NCALD: variants seen among roughly 807,000 people sequenced by gnomAD.
NCALD encodes the protein neurocalcin delta, also known as neurocalcin-delta.
In NCALD, 10 loss-of-function variants were observed where a neutral mutation model predicts 18.6. That is an observed-to-expected ratio of 0.54 (90% CI 0.33 to 0.91). The LOEUF (loss-of-function observed/expected upper bound fraction) is 0.91. Ranked by LOEUF, NCALD falls within the 40% of genes least tolerant of loss-of-function variation. The pLI is 0.03. For synonymous variants in NCALD, 88 were observed against 87.4 expected (o/e 1.01, Z -0.04); for missense variants, 184 against 247.6 (o/e 0.74, Z 1.72).
intron 2 of NCALD, among the ~76,000 whole-genome samples, chr8:101,919,132 C>T (rs1270504878): frequency 1.3e-5 from 2 of 152,192 alleles, no homozygotes; most frequent in Non-Finnish European, 2.9e-5. Context: ...TCAAACTATA[C>T]TATATGGCTA....
intron 4 of NCALD, among the ~76,000 whole-genome samples, chr8:101,797,853 A>C (rs184076101): frequency 6.6e-6 from 1 of 152,178 alleles, no homozygotes; most frequent in Admixed American, 6.5e-5. Context: ...TCCCAAGAAG[A>C]CTACAGACTG....
intron 1 of NCALD, among the ~76,000 whole-genome samples, chr8:102,041,968 G>A (rs1258475267): frequency 1.3e-5 from 2 of 152,020 alleles, no homozygotes; most frequent in Admixed American, 6.6e-5. Flanking sequence ...ACCCATCAGA[G>A]CATTACCTAT....
chr8:102,026,665 A>G (rs1465981655), intron 1 of NCALD, among the ~76,000 whole-genome samples: 1 of 152,160 alleles, frequency 6.6e-6, no homozygotes, highest in Non-Finnish European at 1.5e-5. Flanking sequence ...GCAAGCTGTC[A>G]GTGGACATAC....
intron 2 of NCALD, among the ~76,000 whole-genome samples, chr8:101,974,029 T>C (rs1179887656): frequency 1.3e-5 from 2 of 152,162 alleles, no homozygotes; most frequent in Non-Finnish European, 2.9e-5. Context: ...TTCATCAGTT[T>C]ATTATCTTCA....
chr8:101,825,244 C>G (rs553496046), intron 4 of NCALD, among the ~76,000 whole-genome samples: 1 of 152,368 alleles, frequency 6.6e-6, no homozygotes, highest in African/African-American at 2.4e-5. Flanking sequence ...AGTAGGGATA[C>G]TCCTGCACCT....
chr8:101,729,976 C>T (rs79113059), intron 1 of NCALD, among the ~76,000 whole-genome samples: 2,389 of 152,180 alleles, frequency 0.016, 57 homozygotes, highest in African/African-American at 0.055. Context: ...CAAAGTATTA[C>T]ATCATTATTG....
chr8:101,878,183 A>C (rs1451924752), intron 4 of NCALD, among the ~76,000 whole-genome samples: 1 of 152,246 alleles, frequency 6.6e-6, no homozygotes, highest in African/African-American at 2.4e-5. Context: ...AACTATGAAC[A>C]TTCAACTGCA....
At chr8:101,812,209 G>C (rs1431666231) in intron 4 of NCALD, among the ~76,000 whole-genome samples, 1 of 152,228 alleles carries the variant, frequency 6.6e-6, no homozygotes, top group African/African-American at 2.4e-5. Flanking sequence ...AGGGCACTGG[G>C]TAGAGACTCA....
chr8:101,897,175 A>C (rs1429228667), intron 3 of NCALD, among the ~76,000 whole-genome samples: 3 of 118,900 alleles, frequency 2.5e-5, no homozygotes, highest in African/African-American at 3.4e-5. Context: ...ACCATGGAAT[A>C]CTATGCAGCC....
intron 1 of NCALD, among the ~76,000 whole-genome samples, chr8:102,084,088 CAGAAT>C (rs1431288578): frequency 6.6e-6 from 1 of 152,230 alleles, no homozygotes; most frequent in African/African-American, 2.4e-5. Context: ...AATGCACAGT[CAGAAT>C]AGATTTCCTT....
At chr8:101,870,907 C>CG (rs1157578658) in intron 4 of NCALD, among the ~76,000 whole-genome samples, 7 of 92,526 alleles carry the variant, frequency 7.6e-5, no homozygotes, top group Non-Finnish European at 1.2e-4. Context: ...ACCCCCCCCC[C>CG]CCAAAAAAAG....
chr8:101,876,369 A>AG (rs1816226802), intron 4 of NCALD, among the ~76,000 whole-genome samples: 1 of 152,252 alleles, frequency 6.6e-6, no homozygotes, highest in South Asian at 2.1e-4. Flanking sequence ...TATGAACACT[A>AG]GTTGCTGCCT....
intron 4 of NCALD, among the ~76,000 whole-genome samples, chr8:101,816,551 T>C (rs748856265): frequency 1.9e-4 from 29 of 152,350 alleles, no homozygotes; most frequent in Admixed American, 3.3e-4. Context: ...TTTTGTCACT[T>C]CTTTGGGTCT....
In NCALD at chr8:101,826,057, G is replaced by C. The variant is rs543190555; in HGVS notation, c.-20+61084C>G. On this transcript the variant is annotated intron_variant, in intron 4 of 6. Transcript: ENST00000311028. ...CATTGAAAATATTTAGAGGAGAGGA[G>C]AGAATTGAGGGCTTTTGGAAGGTAG... is the stretch of plus-strand genomic sequence containing the variant. Among the ~76,000 whole-genome samples, 327 of 152,264 alleles carry C rather than the reference G, an allele frequency of 2.1e-3. 2 individuals are homozygous for C. The highest frequency in any genetic ancestry group is 3.8e-3 in the Non-Finnish European group (258 of 68,028).
At position 101,688,640 on chromosome 8, in the gene NCALD, G is replaced by A; in HGVS notation, c.*669C>T. 2.2e-6 allele frequency: 1 copy of A among 459,446 alleles called. No individual in the cohort carries two copies. The highest frequency in any genetic ancestry group is 4.4e-6 in the Non-Finnish European group (1 of 229,030). 28.5% of individuals were successfully genotyped at this position (459,446 alleles called of 1,614,324 possible). ...CTGGTTTTGGAATATGTTACCATTT[G>A]TGTTTAATTTCCAAAGACACGCATA... On this transcript the variant is annotated 3_prime_UTR_variant, in exon 4 of 4. Coordinates refer to ENST00000220931, the MANE Select transcript of NCALD (RefSeq NM_032041.3).
intron 2 of NCALD, among the ~76,000 whole-genome samples, chr8:101,695,745 C>T (rs1814959984): frequency 6.6e-6 from 1 of 152,086 alleles, no homozygotes; most frequent in African/African-American, 2.4e-5. Context: ...GAATTCACAC[C>T]CAGAATGTTC....
chr8:101,729,374 C>T (rs1816712051), intron 1 of NCALD, among the ~76,000 whole-genome samples: 1 of 152,208 alleles, frequency 6.6e-6, no homozygotes, highest in Admixed American at 6.5e-5. Flanking sequence ...CTCCTCTCGC[C>T]TCTGCTAAGA....
At chr8:101,827,494 G>C (rs925384568) in intron 4 of NCALD, among the ~76,000 whole-genome samples, 16 of 152,148 alleles carry the variant, frequency 1.1e-4, no homozygotes, top group Non-Finnish European at 2.2e-4. Flanking sequence ...CTTTTGCTTT[G>C]TTTCTGCAAT....
chr8:101,866,986 T>C (rs1760061049), intron 4 of NCALD, among the ~76,000 whole-genome samples: 1 of 152,132 alleles, frequency 6.6e-6, no homozygotes, highest in African/African-American at 2.4e-5. Context: ...GGCTCCCTTC[T>C]CTGCTCTGAC....
Sources: gnomAD v4.1 joint callset for allele counts (sites outside exome capture counted in the v4.1 genomes callset) on GRCh38, gnomAD v4.1.1 for gene constraint, MANE v1.5 for transcripts, NCBI Gene and HGNC (gene_info 2026-07-23, HGNC 2026-07-21) for gene names.